Variants in EPSTI1 observed in about 807,000 individuals in gnomAD.
EPSTI1 encodes the protein epithelial-stromal interaction protein 1.
EPSTI1 carries 66 observed loss-of-function variants against 49.9 expected under a neutral mutation model. The ratio of observed to expected loss-of-function variants is 1.32; its 90% CI spans 1.08 to 1.62. The LOEUF is 1.62. EPSTI1 is among the 40% of genes most tolerant of loss of function. EPSTI1 has a pLI of 0.00. For missense variants in EPSTI1, 394 were observed against 365.5 expected (o/e 1.08, Z -0.64); for synonymous variants, 137 against 130.7 (o/e 1.05, Z -0.33).
chr13:42,916,465 A>G (rs956249181), intron 8 of EPSTI1, among the ~76,000 whole-genome samples: 2 of 152,184 alleles, frequency 1.3e-5, no homozygotes, highest in Admixed American at 1.3e-4. Flanking sequence ...GGGGTTCCAC[A>G]CTGTTGGGAA....
intron 6 of EPSTI1, among the ~76,000 whole-genome samples, chr13:42,950,312 T>C (rs960654821): frequency 1.3e-5 from 2 of 152,244 alleles, no homozygotes; most frequent in African/African-American, 4.8e-5. Context: ...AAAACCATCC[T>C]GTGTGCTCCA....
intron 8 of EPSTI1, among the ~76,000 whole-genome samples, chr13:42,903,097 T>G (rs1178591196): frequency 3.3e-5 from 5 of 152,208 alleles, no homozygotes; most frequent in Non-Finnish European, 7.3e-5. Context: ...TCTGGCCCAT[T>G]GTGAGTTTAA....
At chr13:42,976,812 C>T (rs1315989680) in intron 1 of EPSTI1, among the ~76,000 whole-genome samples, 1 of 152,170 alleles carries the variant, frequency 6.6e-6, no homozygotes, top group Non-Finnish European at 1.5e-5. Context: ...ATAATCCCAC[C>T]TCTCAAACAC....
rs1555260790 is a variant in EPSTI1 at position 42,917,642 on chromosome 13, G to GGA, written c.658-19_658-18insTC. The GGA allele has an allele frequency of 2.6e-5, 11 of 426,504 alleles. No homozygotes were observed. The highest frequency in any genetic ancestry group is 9.3e-5 in the East Asian group (2 of 21,580). The allele number at this position is 426,504 out of a possible 1,614,324, so 26.4% of individuals were successfully genotyped here. A position where few individuals can be genotyped will look rare whatever the true frequency, so the allele number is the denominator to read the frequency against. On this transcript the variant is annotated intron_variant, in intron 7 of 10. Transcript: ENST00000313624. Reference sequence around the variant, plus strand: ...CTTCTGGCCTGTAAAGGTACAAAGAGAAAAAAAAAAAAAAAAACAACTTGA... The same window carrying GGA: ...CTTCTGGCCTGTAAAGGTACAAAGAGGAAAAAAAAAAAAAAAAAACAACTTGA...
At chr13:42,973,445 C>A (rs1418383851) in intron 1 of EPSTI1, among the ~76,000 whole-genome samples, 1 of 152,138 alleles carries the variant, frequency 6.6e-6, no homozygotes, top group Non-Finnish European at 1.5e-5. Flanking sequence ...ATTTTATTGA[C>A]TGAAAATGCC....
intron 8 of EPSTI1, among the ~76,000 whole-genome samples, chr13:42,908,051 T>G (rs933719208): frequency 2.6e-5 from 4 of 152,162 alleles, no homozygotes; most frequent in African/African-American, 9.7e-5. Flanking sequence ...TGCAGAAGGA[T>G]GAAATTAAAC....
chr13:42,941,937 TGTTA>T (rs2038765572), intron 6 of EPSTI1, among the ~76,000 whole-genome samples: 1 of 152,194 alleles, frequency 6.6e-6, no homozygotes, highest in Non-Finnish European at 1.5e-5. Flanking sequence ...TCACTTGGTC[TGTTA>T]ATTTCTATGG....
In EPSTI1 at chr13:42,989,585, C is replaced by CTTT. The variant is rs2040154989; in HGVS notation, c.188+2390_188+2392dup. Among the ~76,000 whole-genome samples the CTTT allele has an allele frequency of 5.1e-3, 327 of 63,700 alleles. 2 individuals carry two copies. Among genetic ancestry groups the CTTT allele is most frequent in the South Asian group, 0.037 (52 of 1,412 alleles). The allele number at this position is 63,700 out of a possible 152,430, so 41.8% of individuals were successfully genotyped here. ...CTTTTTTCTTTTTTTTTTTTTTTTG[C>CTTT]TTTTTGTTTTGTTTTGTTTTGTTTT... On this transcript the variant is annotated intron_variant, in intron 1 of 10. Coordinates refer to ENST00000313624, the MANE Select transcript of EPSTI1 (RefSeq NM_033255.5).
chr13:42,982,475 T>C (rs2040003166), intron 1 of EPSTI1, among the ~76,000 whole-genome samples: 1 of 152,250 alleles, frequency 6.6e-6, no homozygotes, highest in African/African-American at 2.4e-5. Context: ...GCTCTCACTT[T>C]GCTCTATAGA....
chr13:42,974,098 G>T (rs1425204709), intron 1 of EPSTI1, among the ~76,000 whole-genome samples: 1 of 152,060 alleles, frequency 6.6e-6, no homozygotes, highest in Non-Finnish European at 1.5e-5. Context: ...CACTTTGGGG[G>T]GCTGAGGCGG....
At chr13:42,889,848 G>A (rs961029639) in intron 10 of EPSTI1, among the ~76,000 whole-genome samples, 3 of 151,974 alleles carry the variant, frequency 2.0e-5, no homozygotes, top group African/African-American at 7.3e-5. Context: ...TCCTTTCTCA[G>A]CTCTATTTTA....
At chr13:42,991,727 G>C (rs1191282358) in intron 1 of EPSTI1, among the ~76,000 whole-genome samples, 1 of 152,208 alleles carries the variant, frequency 6.6e-6, no homozygotes, top group East Asian at 1.9e-4. Context: ...CCTGTAGCCA[G>C]TCACAAAAAT....
intron 6 of EPSTI1, among the ~76,000 whole-genome samples, chr13:42,950,336 T>C (rs764925375): frequency 6.6e-6 from 1 of 152,260 alleles, no homozygotes; most frequent in Non-Finnish European, 1.5e-5. Flanking sequence ...GCATGTGCAA[T>C]CTGCTTGTGT....
chr13:42,947,831 G>A (rs1294459404), intron 6 of EPSTI1, among the ~76,000 whole-genome samples: 1 of 152,246 alleles, frequency 6.6e-6, no homozygotes, highest in African/African-American at 2.4e-5. Flanking sequence ...AGGTATGATA[G>A]ATGGGAGATC....
intron 8 of EPSTI1, among the ~76,000 whole-genome samples, chr13:42,911,292 A>T (rs61950254): frequency 0.021 from 2,394 of 113,502 alleles, 31 homozygotes; most frequent in Non-Finnish European, 0.032. Context: ...CACGTGTGTG[A>T]GTGTGCACAT....
Position 42,922,934 on chromosome 13 carries a change from T to A in EPSTI1, c.657+3402A>T, listed in dbSNP as rs1165608523. 6.6e-6 allele frequency among the ~76,000 whole-genome samples: 1 copy of A among 152,192 alleles called. No homozygotes were observed. The highest frequency in any genetic ancestry group is 1.5e-5 in the Non-Finnish European group (1 of 68,022). On this transcript the variant is annotated intron_variant, in intron 7 of 10. Coordinates refer to ENST00000313624, the MANE Select transcript of EPSTI1 (RefSeq NM_033255.5). This position sits in a 1 kb window ranked among gnomAD's most constrained non-coding sequence, Gnocchi z 4.8. ...GGTCTGCAGTGGGGCCTGAGATTGA[T>A]CTGCATCTAAATCTTTGCTCCTGAT...
At chr13:42,890,012 C>G (rs2036982250) in intron 10 of EPSTI1, among the ~76,000 whole-genome samples, 1 of 152,262 alleles carries the variant, frequency 6.6e-6, no homozygotes, top group South Asian at 2.1e-4. Flanking sequence ...TGTTTCCCCC[C>G]AGTGATGTGC....
At chr13:42,937,161 G>C (rs988727785) in intron 6 of EPSTI1, among the ~76,000 whole-genome samples, 2 of 152,102 alleles carry the variant, frequency 1.3e-5, no homozygotes, top group African/African-American at 4.8e-5. Context: ...AGTCTCTTAG[G>C]TGTGCAATAG....
At chr13:42,929,821 T>TA (rs1448346875) in intron 6 of EPSTI1, among the ~76,000 whole-genome samples, 1 of 152,294 alleles carries the variant, frequency 6.6e-6, no homozygotes, top group South Asian at 2.1e-4. Context: ...AAAAAGGGGA[T>TA]AAAAAACCCC....
Sources: allele counts gnomAD v4.1 joint callset (sites outside exome capture counted in the v4.1 genomes callset), GRCh38; gene constraint gnomAD v4.1.1; non-coding constraint Gnocchi (gnomAD v3.1); transcripts MANE v1.5; gene names NCBI Gene and HGNC (gene_info 2026-07-23, HGNC 2026-07-21).